Variants in PSMG4 observed in about 807,000 individuals in gnomAD.
The protein encoded by PSMG4 is proteasome assembly chaperone 4, also known as proteasome (prosome, macropain) assembly chaperone 4.
Under a neutral mutation model 11.0 loss-of-function variants are expected in PSMG4, and 10 were observed. The ratio of observed to expected loss-of-function variants is 0.91; its 90% confidence interval spans 0.56 to 1.54. The LOEUF is 1.54. PSMG4 is among the 40% of genes most tolerant of loss of function. The probability of loss-of-function intolerance (pLI) is 0.00; values close to 1 mark genes in which losing one functional copy is unlikely to be tolerated. For synonymous variants in PSMG4, 95 were observed against 71.3 expected, an observed-to-expected ratio of 1.33 and a Z score of -1.68; for missense variants, 198 against 160.9, an observed-to-expected ratio of 1.23 and a Z score of -1.25.
intron 1 of PSMG4, among the ~76,000 whole-genome samples, chr6:3,262,515 C>G (rs1001396333): frequency 2.6e-5 from 4 of 152,098 alleles, no homozygotes; most frequent in Non-Finnish European, 5.9e-5. Flanking sequence ...GATCTCCTGC[C>G]TTTTATTGTC....
intron 2 of PSMG4, chr6:3,267,012 T>G (rs4292566): frequency 6.7e-6 from 1 of 150,096 alleles, no homozygotes; most frequent in Non-Finnish European, 1.5e-5. Flanking sequence ...CCCGCCACCA[T>G]GCCCGGCTAA....
chr6:3,260,124 G>GA (rs1757922731), intron 1 of PSMG4, among the ~76,000 whole-genome samples: 1 of 151,398 alleles, frequency 6.6e-6, no homozygotes, highest in Non-Finnish European at 1.5e-5. Flanking sequence ...TTTTTGTAGA[G>GA]ATGGGGGTCT....
chr6:3,260,021 C>T (rs969879425), intron 1 of PSMG4, among the ~76,000 whole-genome samples: 14 of 152,238 alleles, frequency 9.2e-5, no homozygotes, highest in African/African-American at 2.9e-4. Flanking sequence ...CTCACTGTCA[C>T]CTCAAACTCC....
At chr6:3,255,152 A>G (rs1004322323), upstream of PSMG4, 5 of 1,551,032 alleles carry the variant, frequency 3.2e-6, no homozygotes, top group Non-Finnish European at 4.4e-6. Flanking sequence ...TTTGAGGAGC[A>G]GGGCCATACT....
Position 3,267,691 on chromosome 6 carries a change from G to A in PSMG4, c.351G>A (p.Glu117=), listed in dbSNP as rs1758250498. The A allele has an allele frequency of 1.9e-6, 3 of 1,552,132 alleles. No individual in the cohort carries two copies. The highest frequency in any genetic ancestry group is 2.6e-6 in the Non-Finnish European group (3 of 1,147,042). The change falls in exon 3 of 3, where the codon GAG becomes GAA. Residue 117 remains glutamate, a synonymous_variant. Coordinates refer to ENST00000438998, the MANE Select transcript of PSMG4 (RefSeq NM_001128591.2). ...AAAACAGGATCAAGGAAGAGATGGA[G>A]GCTTTCCCCGAAAAGTTCTAGCTGA... ...LVENRIKEEM[E]AFPEKF is the part of the protein sequence containing the mutation.
At chr6:3,255,293 A>C, upstream of PSMG4, 1 of 1,526,716 alleles carries the variant, frequency 6.6e-7, no homozygotes, top group Non-Finnish European at 8.8e-7. Flanking sequence ...ATCGGTGCCC[A>C]TCCTGGGAGA....
intron 1 of PSMG4, 112 bp from the exon 2 acceptor site, chr6:3,263,572 C>G (rs1250573062): frequency 1.1e-6 from 1 of 939,738 alleles, no homozygotes; most frequent in Admixed American, 2.9e-5. Flanking sequence ...TGCCTGTCCT[C>G]TCTGAACCTG....
intron 2 of PSMG4, 92 bp from the exon 3 acceptor site, chr6:3,267,495 CTCTT>C: frequency 7.1e-7 from 1 of 1,412,900 alleles, no homozygotes; most frequent in African/African-American, 1.4e-5. Flanking sequence ...CAACCCCATC[CTCTT>C]TCTGAGCATT....
At chr6:3,264,372 C>T in intron 2 of PSMG4, 2 of 1,532,036 alleles carry the variant, frequency 1.3e-6, no homozygotes, top group African/African-American at 1.4e-5. Context: ...GTGCCTGTGG[C>T]CAGTGTGCAC....
In PSMG4 at chr6:3,259,202, T is replaced by A; in HGVS notation, c.174+6T>A. Reference sequence around the variant, plus strand: ...TGGCCATGTGCAGCCGCTACGTGAGTGCCTGGCGGCCGAGGGTGCGGGCGG... The same window carrying A: ...TGGCCATGTGCAGCCGCTACGTGAGAGCCTGGCGGCCGAGGGTGCGGGCGG... On this transcript the variant is annotated splice_donor_region_variant and intron_variant, in intron 1 of 2. Transcript: ENST00000438998. 1 of 1,275,100 alleles carries A rather than the reference T, an allele frequency of 7.8e-7. No individual in the cohort carries two copies. The highest frequency in any genetic ancestry group is 2.7e-5 in the South Asian group (1 of 37,720). The allele number at this position is 1,275,100 out of a possible 1,614,324, so 79.0% of individuals were successfully genotyped here.
upstream of PSMG4, among the ~76,000 whole-genome samples, chr6:3,254,792 G>T (rs4354193): frequency 0.016 from 2,477 of 152,058 alleles, 80 homozygotes; most frequent in African/African-American, 0.057. Context: ...CTGAATGCTT[G>T]GGGTCAGAGC....
At chr6:3,259,600 C>T (rs559331901) in intron 1 of PSMG4, among the ~76,000 whole-genome samples, 13 of 152,362 alleles carry the variant, frequency 8.5e-5, no homozygotes, top group African/African-American at 2.6e-4. Flanking sequence ...ACTAGGCACA[C>T]ATCAGGCTCT....
chr6:3,265,378 CAGT>C, intron 2 of PSMG4: 1 of 151,826 alleles, frequency 6.6e-6, no homozygotes, highest in East Asian at 1.9e-4. Context: ...GGGGGGTTCT[CAGT>C]AGCTCTGGAA....
intron 1 of PSMG4, 43 bp from the exon 2 acceptor site, chr6:3,263,640 CG>C (rs1322015837): frequency 6.2e-6 from 9 of 1,460,084 alleles, no homozygotes; most frequent in East Asian, 2.5e-5. Flanking sequence ...GGCTGGCCTG[CG>C]GGGGGTGGAG....
upstream of PSMG4, among the ~76,000 whole-genome samples, chr6:3,258,140 A>C (rs372284085): frequency 4.7e-5 from 7 of 150,142 alleles, no homozygotes; most frequent in East Asian, 7.9e-4. Flanking sequence ...AATGTCCTGA[A>C]GTGTTCAAGG....
At chr6:3,254,586 A>T (rs917726223), upstream of PSMG4, among the ~76,000 whole-genome samples, 7 of 152,154 alleles carry the variant, frequency 4.6e-5, no homozygotes, top group Admixed American at 3.9e-4. Context: ...GAACCCAACG[A>T]TGGAAGTAAA....
chr6:3,260,490 T>C (rs1188184180), intron 1 of PSMG4, among the ~76,000 whole-genome samples: 1 of 151,870 alleles, frequency 6.6e-6, no homozygotes, highest in Non-Finnish European at 1.5e-5. Context: ...GGTTTCATTA[T>C]GTTGGCCAGG....
chr6:3,255,510 A>G (rs11242831), upstream of PSMG4, among the ~76,000 whole-genome samples: 103,123 of 151,944 alleles, frequency 0.68, 38,443 homozygotes, highest in Non-Finnish European at 0.83. Context: ...TGGCCAGGTC[A>G]TTCCCCACTG....
intron 1 of PSMG4, among the ~76,000 whole-genome samples, chr6:3,260,668 A>G (rs1003483531): frequency 2.6e-5 from 4 of 152,218 alleles, no homozygotes; most frequent in Admixed American, 2.6e-4. Flanking sequence ...ACATCTGCAG[A>G]GACCCTGTTT....
Sources: allele counts gnomAD v4.1 joint callset (sites outside exome capture counted in the v4.1 genomes callset), GRCh38; gene constraint gnomAD v4.1.1; transcripts MANE v1.5; gene names NCBI Gene and HGNC (gene_info 2026-07-23, HGNC 2026-07-21).